Variants in LUZP2 observed in about 807,000 individuals in gnomAD.
LUZP2 encodes leucine zipper protein 2.
In LUZP2, 52 loss-of-function variants were observed where a neutral mutation model predicts 51.6. The ratio of observed to expected loss-of-function variants is 1.01; its 90% CI spans 0.81 to 1.27. The LOEUF is 1.27. LUZP2 is among the 50% of genes most tolerant of loss of function. LUZP2 has a pLI of 0.00. For synonymous variants in LUZP2, 154 were observed against 137.3 expected (o/e 1.12, Z -0.85); for missense variants, 436 against 395.4 (o/e 1.10, Z -0.87).
chr11:24,625,772 G>A (rs1854656513), intron 1 of LUZP2, among the ~76,000 whole-genome samples: 1 of 151,864 alleles, frequency 6.6e-6, no homozygotes, highest in African/African-American at 2.4e-5. Flanking sequence ...TGAAGTAGGG[G>A]AATAACTAGA....
intron 10 of LUZP2, among the ~76,000 whole-genome samples, chr11:25,058,399 T>C (rs1858746194): frequency 6.6e-6 from 1 of 152,060 alleles, no homozygotes; most frequent in Non-Finnish European, 1.5e-5. Flanking sequence ...CCAGTAACCG[T>C]GTTAATATAT....
chr11:24,703,983 GA>G (rs1458594999), intron 1 of LUZP2, among the ~76,000 whole-genome samples: 1 of 151,952 alleles, frequency 6.6e-6, no homozygotes, highest in Non-Finnish European at 1.5e-5. Context: ...TTGAATTATA[GA>G]AAAAAGAATG....
intron 1 of LUZP2, among the ~76,000 whole-genome samples, chr11:24,672,072 T>C (rs1047899774): frequency 2.6e-5 from 4 of 152,092 alleles, no homozygotes; most frequent in Non-Finnish European, 2.9e-5. Flanking sequence ...ATGTCTCTCA[T>C]GGTGTTTGAT....
intron 9 of LUZP2, among the ~76,000 whole-genome samples, chr11:25,016,333 C>G (rs576709790): frequency 6.6e-6 from 1 of 151,994 alleles, no homozygotes; most frequent in African/African-American, 2.4e-5. Flanking sequence ...GTCTGTAATG[C>G]CCATTGTACC....
intron 8 of LUZP2, among the ~76,000 whole-genome samples, chr11:24,981,069 A>G (rs1291543441): frequency 4.0e-5 from 6 of 151,898 alleles, no homozygotes; most frequent in Admixed American, 3.9e-4. Flanking sequence ...GCAAACTTCA[A>G]AGTAAACAGT....
At chr11:24,998,297 G>A (rs1378484819) in intron 9 of LUZP2, among the ~76,000 whole-genome samples, 1 of 152,044 alleles carries the variant, frequency 6.6e-6, no homozygotes, top group African/African-American at 2.4e-5. Flanking sequence ...TTATTTCATT[G>A]AGCAGTGGTT....
chr11:24,599,469 G>T (rs943880816), intron 1 of LUZP2, among the ~76,000 whole-genome samples: 8 of 151,980 alleles, frequency 5.3e-5, no homozygotes, highest in African/African-American at 1.9e-4. Context: ...TACTTTATTT[G>T]CAATTGACAA....
intron 5 of LUZP2, among the ~76,000 whole-genome samples, chr11:24,832,578 T>C (rs528981032): frequency 1.5e-4 from 22 of 149,924 alleles, no homozygotes; most frequent in African/African-American, 5.4e-4. Flanking sequence ...CTTAAAAATA[T>C]GCAAAAATTA....
In LUZP2 at chr11:25,035,963, G is replaced by T. The variant is rs1205784717; in HGVS notation, c.766-14075G>T. The stretch of plus-strand genomic sequence containing the variant: ...GTGTCTTTGCCAGATTTTGATATCA[G>T]ATGGATGTTGGCTTCATAGGATGAA... On this transcript the variant is annotated intron_variant, in intron 9 of 11. Transcript: ENST00000336930. Among the ~76,000 whole-genome samples, 28 of 152,052 alleles carry T rather than the reference G, an allele frequency of 1.8e-4. 1 individual carries two copies. Among genetic ancestry groups the T allele is most frequent in the Admixed American group, 1.8e-3 (28 of 15,234 alleles).
chr11:24,807,336 C>T (rs1447854400), intron 5 of LUZP2, among the ~76,000 whole-genome samples: 1 of 151,864 alleles, frequency 6.6e-6, no homozygotes, highest in Non-Finnish European at 1.5e-5. Flanking sequence ...GTGGTGAGTG[C>T]CTGTAATCGC....
intron 5 of LUZP2, among the ~76,000 whole-genome samples, chr11:24,840,704 T>G (rs1851003094): frequency 6.6e-6 from 1 of 151,872 alleles, no homozygotes; most frequent in African/African-American, 2.4e-5. Flanking sequence ...GCCGATAGGG[T>G]TAGGTAATTT....
At chr11:24,922,229 G>C (rs1386686794) in intron 7 of LUZP2, among the ~76,000 whole-genome samples, 3 of 152,060 alleles carry the variant, frequency 2.0e-5, no homozygotes, top group Non-Finnish European at 4.4e-5. Flanking sequence ...ACTCATACCT[G>C]CTGAAATTCA....
chr11:25,050,003 T>C, intron 9 of LUZP2, 35 bp from the exon 10 acceptor site: 1 of 1,295,674 alleles, frequency 7.7e-7, no homozygotes, highest in Non-Finnish European at 1.1e-6. Flanking sequence ...TATTTAGTGA[T>C]TTCTTTCTTT....
intron 7 of LUZP2, among the ~76,000 whole-genome samples, chr11:24,939,088 T>G (rs143790795): frequency 1.6e-3 from 243 of 152,240 alleles, no homozygotes; most frequent in African/African-American, 4.9e-3. Flanking sequence ...TTTTTAATTT[T>G]AAAATTCTGT....
At chr11:24,813,128 C>G (rs1382041535) in intron 5 of LUZP2, among the ~76,000 whole-genome samples, 4 of 152,190 alleles carry the variant, frequency 2.6e-5, no homozygotes, top group African/African-American at 9.7e-5. Context: ...TGACACCATT[C>G]TCTCATGTTT....
chr11:24,653,841 G>A (rs1855716808), intron 1 of LUZP2, among the ~76,000 whole-genome samples: 1 of 152,196 alleles, frequency 6.6e-6, no homozygotes, highest in Admixed American at 6.5e-5. Context: ...GTTACGGTAA[G>A]ATATGAACTG....
chr11:24,704,732 G>C (rs1857524029), intron 1 of LUZP2, among the ~76,000 whole-genome samples: 2 of 152,000 alleles, frequency 1.3e-5, no homozygotes, highest in African/African-American at 4.8e-5. Flanking sequence ...TTGCAAAATT[G>C]CTATCAAATT....
At chr11:24,673,351 G>T (rs569763062) in intron 1 of LUZP2, among the ~76,000 whole-genome samples, 2 of 152,086 alleles carry the variant, frequency 1.3e-5, no homozygotes, top group Non-Finnish European at 1.5e-5. Flanking sequence ...TCCTATTTTT[G>T]ATTTCATGAA....
At chr11:24,700,096 C>T (rs1857380315) in intron 1 of LUZP2, among the ~76,000 whole-genome samples, 1 of 124,944 alleles carries the variant, frequency 8.0e-6, no homozygotes, top group Non-Finnish European at 1.6e-5. Flanking sequence ...GACTTCCACT[C>T]TGTAGCCTAG....
Sources: allele counts gnomAD v4.1 joint callset (sites outside exome capture counted in the v4.1 genomes callset), GRCh38; gene constraint gnomAD v4.1.1; transcripts MANE v1.5; gene names NCBI Gene and HGNC (gene_info 2026-07-23, HGNC 2026-07-21).